The following TOGARAM2 variants were observed in gnomAD, a reference collection of about 807,000 sequenced individuals.
TOGARAM2 encodes the protein TOG array regulator of axonemal microtubules 2.
In TOGARAM2, 85 loss-of-function variants were observed where a neutral mutation model predicts 93.3. The ratio of observed to expected loss-of-function variants is 0.91; its 90% CI spans 0.76 to 1.09. TOGARAM2 has a LOEUF of 1.09. Ranked by LOEUF, TOGARAM2 falls within the 50% of genes least tolerant of loss-of-function variation. The pLI is 0.00. For missense variants in TOGARAM2, 1,277 were observed against 1,334.5 expected, an observed-to-expected ratio of 0.96 and a Z score of 0.67; for synonymous variants, 593 against 552.8, an observed-to-expected ratio of 1.07 and a Z score of -1.02.
In TOGARAM2 at chr2:29,032,947, A is replaced by G. The variant is rs1572759689; in HGVS notation, c.2026A>G (p.Lys676Glu). Reference protein sequence around the residue: ...SNQDTRFYGRKMVNILMANTK... With the variant: ...SNQDTRFYGREMVNILMANTK... ...CTCCTGTGGCAGATTTTATGGCCGG[A>G]AGATGGTGAATATCTTGATGGCGAA... The change falls in exon 15 of 20, where the codon AAG (lysine) becomes GAG (glutamate). Residue 676 changes from lysine to glutamate, a missense_variant. Physicochemically the swap from Lys to Glu is moderately conservative, Grantham distance 56. Coordinates refer to ENST00000379558, the MANE Select transcript of TOGARAM2 (RefSeq NM_199280.4). 1 of 1,613,554 alleles carries G rather than the reference A, an allele frequency of 6.2e-7. No homozygotes were observed. Among genetic ancestry groups the G allele is most frequent in the Non-Finnish European group, 8.5e-7 (1 of 1,179,756 alleles).
intron 14 of TOGARAM2, among the ~76,000 whole-genome samples, chr2:29,028,298 G>A (rs1665536788): frequency 6.6e-6 from 1 of 152,170 alleles, no homozygotes; most frequent in Non-Finnish European, 1.5e-5. Context: ...CCACGTCTGA[G>A]GGTGCTCCCT....
chr2:29,032,027 C>T (rs537501799), intron 14 of TOGARAM2, among the ~76,000 whole-genome samples: 50 of 152,338 alleles, frequency 3.3e-4, no homozygotes, highest in Admixed American at 9.8e-4. Context: ...TTCAGGCCTG[C>T]ACCATCTTTT....
At chr2:28,964,890 G>A (rs891157057) in intron 1 of TOGARAM2, among the ~76,000 whole-genome samples, 8 of 152,004 alleles carry the variant, frequency 5.3e-5, no homozygotes, top group African/African-American at 1.5e-4. Flanking sequence ...AGTCTATCAC[G>A]GATGGGCATT....
intron 4 of TOGARAM2, among the ~76,000 whole-genome samples, chr2:29,000,211 GCA>G (rs1417893353): frequency 6.6e-6 from 1 of 151,986 alleles, no homozygotes. Context: ...TCGGTGTGAG[GCA>G]CAGTCGCTTG....
At chr2:29,034,744 C>T (rs1665977070) in intron 16 of TOGARAM2, among the ~76,000 whole-genome samples, 1 of 152,124 alleles carries the variant, frequency 6.6e-6, no homozygotes, top group Non-Finnish European at 1.5e-5. Context: ...TACAATGTCC[C>T]CAGTTGCTGG....
intron 7 of TOGARAM2, among the ~76,000 whole-genome samples, chr2:29,011,707 A>T (rs1664261203): frequency 6.6e-6 from 1 of 152,138 alleles, no homozygotes; most frequent in Non-Finnish European, 1.5e-5. Flanking sequence ...AGTGACATTT[A>T]TTGACACCTG....
intron 14 of TOGARAM2, among the ~76,000 whole-genome samples, chr2:29,027,896 CAGTG>C (rs1190821915): frequency 1.4e-5 from 2 of 146,066 alleles, no homozygotes; most frequent in African/African-American, 5.1e-5. Flanking sequence ...TGGTGGAGCA[CAGTG>C]AGTGAGGGGT....
chr2:29,005,809 T>A (rs1663727660), intron 6 of TOGARAM2, among the ~76,000 whole-genome samples: 1 of 149,994 alleles, frequency 6.7e-6, no homozygotes, highest in African/African-American at 2.5e-5. Context: ...TGAGTGCATG[T>A]GTGTGAGTGC....
intron 4 of TOGARAM2, among the ~76,000 whole-genome samples, chr2:29,001,813 G>A (rs1372420145): frequency 6.6e-6 from 1 of 152,026 alleles, no homozygotes; most frequent in Non-Finnish European, 1.5e-5. Flanking sequence ...CTGTTTTGAT[G>A]CAGTGGTTTT....
chr2:29,010,777 T>G (rs1370430005), intron 6 of TOGARAM2, among the ~76,000 whole-genome samples: 1 of 152,162 alleles, frequency 6.6e-6, no homozygotes, highest in Non-Finnish European at 1.5e-5. Flanking sequence ...GTGTCTAGAA[T>G]AGTGCTTGAC....
At chr2:29,006,881 C>T (rs1176035398) in intron 6 of TOGARAM2, among the ~76,000 whole-genome samples, 1 of 152,176 alleles carries the variant, frequency 6.6e-6, no homozygotes, top group Non-Finnish European at 1.5e-5. Context: ...TTATCTGTGC[C>T]TCTCATGACT....
intron 1 of TOGARAM2, among the ~76,000 whole-genome samples, chr2:28,961,365 T>G (rs1448647433): frequency 6.6e-6 from 1 of 152,088 alleles, no homozygotes; most frequent in Non-Finnish European, 1.5e-5. Context: ...GGAGGCAGAA[T>G]CTTTCTCACT....
chr2:29,007,876 G>A (rs1056118963), intron 6 of TOGARAM2, among the ~76,000 whole-genome samples: 6 of 151,716 alleles, frequency 4.0e-5, no homozygotes, highest in Non-Finnish European at 5.9e-5. Flanking sequence ...ATCCATTTAC[G>A]AGGGGACATG....
At chr2:29,024,117 G>A in intron 12 of TOGARAM2, 22 bp from the exon 13 acceptor site, 3 of 1,552,954 alleles carry the variant, frequency 1.9e-6, no homozygotes, top group Non-Finnish European at 1.7e-6. Flanking sequence ...GCACCCTGGA[G>A]GGCCTCTCTC....
At chr2:29,041,967 C>A (rs781171433) in intron 18 of TOGARAM2, among the ~76,000 whole-genome samples, 10 of 152,272 alleles carry the variant, frequency 6.6e-5, no homozygotes, top group Non-Finnish European at 1.5e-4. Context: ...TTCATTGAAC[C>A]CTTACAGCAA....
At chr2:29,011,414 G>T in intron 6 of TOGARAM2, 41 bp from the exon 7 acceptor site, 1 of 1,603,736 alleles carries the variant, frequency 6.2e-7, no homozygotes, top group Non-Finnish European at 8.5e-7. Context: ...TCTCTGGCTG[G>T]CCATCCCTCA....
Position 28,999,174 on chromosome 2 carries a change from C to T in TOGARAM2, c.140-7C>T, listed in dbSNP as rs1287216748. 2 of 1,606,980 alleles carry T rather than the reference C, an allele frequency of 1.2e-6. No individual in the cohort carries two copies. Among genetic ancestry groups the T allele is most frequent in the Admixed American group, 1.7e-5 (1 of 59,604 alleles). On this transcript the variant is annotated splice_polypyrimidine_tract_variant and splice_region_variant and intron_variant, in intron 3 of 19. Transcript: ENST00000379558. Reference sequence around the variant, plus strand: ...TGCCAAGCCATTCACACCTCTGTCCCCCTCAGGTTCTCTCCAGCCTGAGCC... The same window carrying T: ...TGCCAAGCCATTCACACCTCTGTCCTCCTCAGGTTCTCTCCAGCCTGAGCC...
Position 29,051,770 on chromosome 2 carries a change from GT to G in TOGARAM2, c.2740del (p.Tyr914ThrfsTer8). 6.6e-7 allele frequency: 1 copy of G among 1,516,090 alleles called. No individual in the cohort carries two copies. The highest frequency in any genetic ancestry group is 8.9e-7 in the Non-Finnish European group (1 of 1,123,742). 93.9% of individuals were successfully genotyped at this position (1,516,090 alleles called of 1,614,324 possible). A position where few individuals can be genotyped will look rare whatever the true frequency, so the allele number is the denominator to read the frequency against. ...CTGCCTGACAGTGCTGGTGGCCTCAGTTTACCCCCGGAAGCCTCAAGCTGTA... is the reference window on the plus strand; with the variant it reads ...CTGCCTGACAGTGCTGGTGGCCTCAGTTACCCCCGGAAGCCTCAAGCTGTA... Reference protein sequence around the residue: ...TDRLAVLVASVYPRKPQAVER... With the variant: ...TDRLAVLVASXYPRKPQAVER... On this transcript the variant is annotated frameshift_variant, in exon 20 of 20. Coordinates refer to ENST00000379558, the MANE Select transcript of TOGARAM2 (RefSeq NM_199280.4). LOFTEE classifies it low-confidence loss of function (END_TRUNC).
intron 1 of TOGARAM2, among the ~76,000 whole-genome samples, chr2:28,967,305 T>C (rs1671880029): frequency 6.6e-6 from 1 of 151,998 alleles, no homozygotes; most frequent in African/African-American, 2.4e-5. Context: ...TGAGACCTTG[T>C]CTCTACAAAT....
Sources: allele counts gnomAD v4.1 joint callset (sites outside exome capture counted in the v4.1 genomes callset), GRCh38; gene constraint gnomAD v4.1.1; transcripts MANE v1.5; gene names NCBI Gene and HGNC (gene_info 2026-07-23, HGNC 2026-07-21).